The following SIPA1 variants were observed in gnomAD, a reference collection of about 807,000 sequenced individuals.
SIPA1 encodes signal-induced proliferation-associated 1.
SIPA1 carries 51 observed loss-of-function variants against 88.1 expected under a neutral mutation model. The observed-to-expected ratio is 0.58, with a 90% confidence interval of 0.46 to 0.73. SIPA1 has a LOEUF of 0.73. Ranked by LOEUF, SIPA1 falls within the 30% of genes least tolerant of loss-of-function variation. SIPA1 has a pLI of 0.00. For missense variants in SIPA1, 1,348 were observed against 1,467.6 expected (o/e 0.92, Z 1.33); for synonymous variants, 681 against 664.8 (o/e 1.02, Z -0.37).
intron 1 of SIPA1, among the ~76,000 whole-genome samples, chr11:65,639,521 T>C (rs1855963222): frequency 6.6e-6 from 1 of 152,202 alleles, no homozygotes; most frequent in Non-Finnish European, 1.5e-5. Context: ...CTTGCTTGGT[T>C]CTGGAGGCCC....
intron 8 of SIPA1, 148 bp downstream of exon 8, chr11:65,647,213 A>G: frequency 7.2e-7 from 1 of 1,398,378 alleles, no homozygotes; most frequent in Middle Eastern, 2.7e-4. Context: ...CAAGGCCGGA[A>G]CTGGTGCCCT....
chr11:65,647,126 C>T (rs1317944554), intron 8 of SIPA1, 61 bp downstream of exon 8: 1 of 1,425,932 alleles, frequency 7.0e-7, no homozygotes, highest in Admixed American at 2.8e-5. Context: ...GCTTTGGACC[C>T]CTCCCTCCCG....
chr11:65,646,585 G>A lies in SIPA1; in HGVS notation c.1551G>A (p.Ala517=). The A allele has an allele frequency of 6.5e-7, 1 of 1,546,332 alleles. No homozygotes were observed. Among genetic ancestry groups the A allele is most frequent in the Non-Finnish European group, 8.7e-7 (1 of 1,151,358 alleles). ...LLAKALNGEQ[A]AGHARQFHAM... ...CCAAAGCGCTGAATGGTGAGCAGGCGGCCGGCCACGCGCGCCAGTTCCACG... is the reference window on the plus strand; with the variant it reads ...CCAAAGCGCTGAATGGTGAGCAGGCAGCCGGCCACGCGCGCCAGTTCCACG... The change falls in exon 8 of 16, where the codon GCG becomes GCA. Residue 517 remains alanine, a synonymous_variant. Transcript: ENST00000534313. The surrounding 1 kb of genome is among the most constrained non-coding windows in gnomAD (Gnocchi z 7.5).
At chr11:65,638,908 G>A (rs1565177744) in intron 1 of SIPA1, among the ~76,000 whole-genome samples, 1 of 152,074 alleles carries the variant, frequency 6.6e-6, no homozygotes, top group South Asian at 2.1e-4. Context: ...CACAAGGAGC[G>A]GGGCTTGCAC....
chr11:65,649,551 C>T lies in SIPA1; in HGVS notation c.2526-10C>T, dbSNP rs1856213804. ...GGCTTCCCTTTCTGAGCCACCCCTGCTCTCCCCAGCTCTCTGTCGGATGAG... is the reference window on the plus strand; with the variant it reads ...GGCTTCCCTTTCTGAGCCACCCCTGTTCTCCCCAGCTCTCTGTCGGATGAG... On this transcript the variant is annotated splice_polypyrimidine_tract_variant and intron_variant, in intron 10 of 15. Coordinates refer to ENST00000534313, the MANE Select transcript of SIPA1 (RefSeq NM_006747.4). The T allele has an allele frequency of 4.3e-6, 7 of 1,614,128 alleles. No individual in the cohort carries two copies. The highest frequency in any genetic ancestry group is 5.1e-6 in the Non-Finnish European group (6 of 1,180,008).
intron 11 of SIPA1, 39 bp from the exon 12 acceptor site, chr11:65,649,718 G>A: frequency 6.2e-7 from 1 of 1,613,772 alleles, no homozygotes; most frequent in Non-Finnish European, 8.5e-7. Flanking sequence ...AGTGGTGACA[G>A]TGGGCATCAC....
chr11:65,645,210 G>A (rs927338629), intron 5 of SIPA1, 81 bp downstream of exon 5: 44 of 1,384,404 alleles, frequency 3.2e-5, no homozygotes, highest in Middle Eastern at 2.2e-4. Context: ...TCCTTTGTCC[G>A]TACAATCCTG....
intron 14 of SIPA1, 40 bp downstream of exon 14, chr11:65,650,232 C>G: frequency 1.2e-6 from 2 of 1,603,746 alleles, no homozygotes. Context: ...TACCTGCCCA[C>G]ATGACCCCCC....
At chr11:65,645,259 T>C in intron 5 of SIPA1, 130 bp downstream of exon 5, 1 of 948,264 alleles carries the variant, frequency 1.1e-6, no homozygotes, top group South Asian at 1.6e-5. Flanking sequence ...GAGCTAAGGA[T>C]CTGAGTCAGG....
In SIPA1 at chr11:65,646,734, C is replaced by T. The variant is rs1285295055; in HGVS notation, c.1700C>T (p.Ala567Val). The part of the protein sequence containing the change: ...LPSLGGRRRA[A>V]PRGPGAELQA... ...TCCCTGGGTGGGAGGCGCCGGGCGG[C>T]CCCTCGGGGCCCAGGCGCCGAGCTG... is the stretch of plus-strand genomic sequence containing the variant. Residue 567 changes from alanine to valine, a missense_variant, in exon 8 of 16, where the codon GCC (alanine) becomes GTC (valine). This residue lies in a region of SIPA1 where 68 missense variants were observed against 59.0 expected (regional missense o/e 1.15). Coordinates refer to ENST00000534313, the MANE Select transcript of SIPA1 (RefSeq NM_006747.4). This position sits in a 1 kb window ranked among gnomAD's most constrained non-coding sequence, Gnocchi z 7.5. The T allele has an allele frequency of 6.6e-7, 1 of 1,523,850 alleles. No homozygotes were observed. 94.4% of individuals were successfully genotyped at this position (1,523,850 alleles called of 1,614,324 possible).
intron 8 of SIPA1, 34 bp from the exon 9 acceptor site, chr11:65,647,350 G>A (rs1856147186): frequency 1.4e-6 from 2 of 1,380,650 alleles, no homozygotes; most frequent in Non-Finnish European, 1.9e-6. Context: ...CCACCTCCCG[G>A]CAGCCCCGCC....
intron 4 of SIPA1, among the ~76,000 whole-genome samples, chr11:65,643,919 G>A (rs931840768): frequency 1.3e-5 from 2 of 152,138 alleles, no homozygotes; most frequent in Non-Finnish European, 2.9e-5. Context: ...CTGCAGCATG[G>A]GGACTAGACT....
Position 65,642,665 on chromosome 11 carries a change from A to T in SIPA1, c.984+26A>T. ...GTGAGTGGCGGGCCGCGGAGCCCCC[A>T]GCCATACAGCTGGCCCCAGTCTGAA... On this transcript the variant is annotated intron_variant, in intron 4 of 15. Transcript: ENST00000534313. This position sits in a 1 kb window ranked among gnomAD's most constrained non-coding sequence, Gnocchi z 6.5. The T allele has an allele frequency of 1.3e-6, 2 of 1,499,090 alleles. No individual in the cohort carries two copies. Among genetic ancestry groups the T allele is most frequent in the South Asian group, 1.2e-5 (1 of 80,048 alleles). 92.9% of individuals were successfully genotyped at this position (1,499,090 alleles called of 1,614,324 possible).
chr11:65,646,006 G>A lies in SIPA1; in HGVS notation c.1263+49G>A, dbSNP rs778712201. 16 of 1,409,298 alleles carry A rather than the reference G, an allele frequency of 1.1e-5. No individual in the cohort carries two copies. In the East Asian group the frequency reaches 3.8e-4, roughly 34 times the overall value. The allele number at this position is 1,409,298 out of a possible 1,614,324, so 87.3% of individuals were successfully genotyped here. The stretch of plus-strand genomic sequence containing the variant: ...GTGGGGCTTCCGGGAACCATGGAGG[G>A]CCCTGCATGGCCCATGACGTTTGAG... On this transcript the variant is annotated intron_variant, in intron 6 of 15. Coordinates refer to ENST00000534313, the MANE Select transcript of SIPA1 (RefSeq NM_006747.4). The surrounding 1 kb of genome is among the most constrained non-coding windows in gnomAD (Gnocchi z 7.5).
Position 65,645,056 on chromosome 11 carries a change from GT to G in SIPA1, c.1089del (p.Leu364SerfsTer20). 6.2e-7 allele frequency: 1 copy of G among 1,614,086 alleles called. No individual in the cohort carries two copies. Among genetic ancestry groups the G allele is most frequent in the Non-Finnish European group, 8.5e-7 (1 of 1,179,964 alleles). Reference sequence around the variant, plus strand: ...AGGAGGCGGGACCGGCCTTCATGCAGTTTCTCACCTTGCTGGGCGATGTGGT... The same window carrying G: ...AGGAGGCGGGACCGGCCTTCATGCAGTTCTCACCTTGCTGGGCGATGTGGT... Reference protein sequence around the residue: ...NQEAGPAFMQFLTLLGDVVRL... With the variant: ...NQEAGPAFMQXLTLLGDVVRL... On this transcript the variant is annotated frameshift_variant, in exon 5 of 16. Transcript: ENST00000534313. LOFTEE classifies it high-confidence loss of function.
chr11:65,646,037 GC>G lies in SIPA1; in HGVS notation c.1263+82del. 2.3e-6 allele frequency: 3 copies of G among 1,320,554 alleles called. No homozygotes were observed. Among genetic ancestry groups the G allele is most frequent in the Non-Finnish European group, 3.2e-6 (3 of 940,818 alleles). The allele number at this position is 1,320,554 out of a possible 1,614,324, so 81.8% of individuals were successfully genotyped here. ...CATGGCCCATGACGTTTGAGCTTTG[GC>G]CGGAGCTCTGTTGGCCCCAACAGCC... On this transcript the variant is annotated intron_variant, in intron 6 of 15. Coordinates refer to ENST00000534313, the MANE Select transcript of SIPA1 (RefSeq NM_006747.4). This position sits in a 1 kb window ranked among gnomAD's most constrained non-coding sequence, Gnocchi z 7.5.
chr11:65,650,834 T>TGGC lies in SIPA1; in HGVS notation c.*122_*124dup, dbSNP rs1377692201. On this transcript the variant is annotated 3_prime_UTR_variant, in exon 16 of 16. Coordinates refer to ENST00000534313, the MANE Select transcript of SIPA1 (RefSeq NM_006747.4). ...CCCCCCTCCCTAGCCCCTTATTTGG[T>TGGC]GGCGGAAGTGGCCTCCACCCCTTCC... 1 of 1,126,652 alleles carries TGGC rather than the reference T, an allele frequency of 8.9e-7. No homozygotes were observed. Among genetic ancestry groups the TGGC allele is most frequent in the Admixed American group, 2.9e-5 (1 of 34,152 alleles). 69.8% of individuals were successfully genotyped at this position (1,126,652 alleles called of 1,614,324 possible).
At position 65,647,558 on chromosome 11, in the gene SIPA1, C is replaced by G; in HGVS notation, c.2206C>G (p.Leu736Val). 2.3e-6 allele frequency: 3 copies of G among 1,326,584 alleles called. No homozygotes were observed. The highest frequency in any genetic ancestry group is 1.9e-6 in the Non-Finnish European group (2 of 1,040,372). 82.2% of individuals were successfully genotyped at this position (1,326,584 alleles called of 1,614,324 possible). Residue 736 changes from leucine (L) to valine (V), a missense_variant, in exon 9 of 16, where the codon CTG becomes GTG. This residue lies in a region of SIPA1 where 615 missense variants were observed against 559.8 expected (regional missense o/e 1.10). Transcript: ENST00000534313. ...CCTCCTGCGCGTGTGCGGCCAGACT[C>G]TGCCCAGCCTCCGGCCCGAGGCCGC... is the stretch of plus-strand genomic sequence containing the variant. ...ARLLRVCGQT[L>V]PSLRPEAAAQ...
intron 5 of SIPA1, among the ~76,000 whole-genome samples, 174 bp downstream of exon 5, chr11:65,645,303 G>C (rs902559877): frequency 2.0e-5 from 3 of 152,158 alleles, no homozygotes; most frequent in Admixed American, 1.3e-4. Flanking sequence ...TGAAAAGAGG[G>C]GCTGGGACTG....
Sources: gnomAD v4.1 joint callset for allele counts (sites outside exome capture counted in the v4.1 genomes callset) on GRCh38, gnomAD v4.1.1 for gene constraint, gnomAD v4.1.1 regional missense constraint, Gnocchi (gnomAD v3.1) non-coding constraint, MANE v1.5 for transcripts, NCBI Gene and HGNC (gene_info 2026-07-23, HGNC 2026-07-21) for gene names.